The following TXN variants were observed in gnomAD, a reference collection of about 807,000 sequenced individuals.
TXN encodes thioredoxin, also known as ADF.
TXN carries 10 observed loss-of-function variants against 16.5 expected under a neutral mutation model. The ratio of observed to expected loss-of-function variants is 0.61; its 90% CI spans 0.37 to 1.03. TXN has a LOEUF of 1.03. Among genes scored for constraint, TXN ranks in the 50% least tolerant of loss-of-function variants. TXN has a pLI of 0.01. For synonymous variants in TXN, 35 were observed against 39.4 expected, an observed-to-expected ratio of 0.89 and a Z score of 0.42; for missense variants, 71 against 122.5, an observed-to-expected ratio of 0.58 and a Z score of 1.98.
intron 3 of TXN, among the ~76,000 whole-genome samples, chr9:110,247,549 C>T (rs142429170): frequency 2.0e-5 from 3 of 152,290 alleles, no homozygotes; most frequent in African/African-American, 7.2e-5. Context: ...CATAGCCCAT[C>T]GCATTAGCTG....
intron 1 of TXN, among the ~76,000 whole-genome samples, chr9:110,254,784 G>A (rs908455181): frequency 6.6e-6 from 1 of 152,120 alleles, no homozygotes; most frequent in South Asian, 2.1e-4. Flanking sequence ...CTGGATTTTG[G>A]GACAACTAAC....
At chr9:110,244,299 T>TG (rs1837618177) in intron 4 of TXN, 80 bp from the exon 5 acceptor site, 1 of 367,000 alleles carries the variant, frequency 2.7e-6, no homozygotes. Context: ...AAATATGTAT[T>TG]TATATATATA....
rs1342323217 is a variant in TXN, at chr9:110,245,664, T to A, written c.190-821A>T. ...TATATATATATATATATTTTTTTTTTTTTTTTTTTATAGGGACAAGGTCTC... is the reference window on the plus strand; with the variant it reads ...TATATATATATATATATTTTTTTTTATTTTTTTTTATAGGGACAAGGTCTC... On this transcript the variant is annotated intron_variant, in intron 3 of 4. Coordinates refer to ENST00000374517, the MANE Select transcript of TXN (RefSeq NM_003329.4). 6.5e-4 allele frequency among the ~76,000 whole-genome samples: 73 copies of A among 112,386 alleles called. 2 individuals are homozygous for A. In the East Asian group the frequency reaches 0.014, roughly 22 times the overall value. The allele number at this position is 112,386 out of a possible 152,430, so 73.7% of individuals were successfully genotyped here. A position where few individuals can be genotyped will look rare whatever the true frequency, so the allele number is the denominator to read the frequency against.
Position 110,244,089 on chromosome 9 carries a change from T to C in TXN, c.*68A>G, listed in dbSNP as rs2118558596. 1.0e-6 allele frequency: 1 copy of C among 955,960 alleles called. No homozygotes were observed. Among genetic ancestry groups the C allele is most frequent in the East Asian group, 3.4e-5 (1 of 29,558 alleles). The allele number at this position is 955,960 out of a possible 1,614,324, so 59.2% of individuals were successfully genotyped here. A position where few individuals can be genotyped will look rare whatever the true frequency, so the allele number is the denominator to read the frequency against. On this transcript the variant is annotated 3_prime_UTR_variant, in exon 5 of 5. Transcript: ENST00000374517. ...TGGGTTTATGTCTTCATATTTTATATTTTTGTAAATTAAAAAAATTACAAG... is the reference window on the plus strand; with the variant it reads ...TGGGTTTATGTCTTCATATTTTATACTTTTGTAAATTAAAAAAATTACAAG...
In TXN at chr9:110,244,055, G is replaced by T; in HGVS notation, c.*102C>A. On this transcript the variant is annotated 3_prime_UTR_variant, in exon 5 of 5. Transcript: ENST00000374517. The stretch of plus-strand genomic sequence containing the variant: ...AGCATTAATGTTTTATTGTCACGCA[G>T]ATGGCAACTGGGTTTATGTCTTCAT... 1 of 521,116 alleles carries T rather than the reference G, an allele frequency of 1.9e-6. No homozygotes were observed. Among genetic ancestry groups the T allele is most frequent in the Non-Finnish European group, 3.1e-6 (1 of 324,854 alleles). 32.3% of individuals were successfully genotyped at this position (521,116 alleles called of 1,614,324 possible).
At position 110,244,014 on chromosome 9, in the gene TXN, G is replaced by A. The variant is rs938879177; in HGVS notation, c.*143C>T. The A allele has an allele frequency of 1.9e-5, 7 of 364,694 alleles. No individual in the cohort carries two copies. The highest frequency in any genetic ancestry group is 9.2e-5 in the South Asian group (1 of 10,856). The allele number at this position is 364,694 out of a possible 1,614,324, so 22.6% of individuals were successfully genotyped here. A position where few individuals can be genotyped will look rare whatever the true frequency, so the allele number is the denominator to read the frequency against. On this transcript the variant is annotated 3_prime_UTR_variant, in exon 5 of 5. Coordinates refer to ENST00000374517, the MANE Select transcript of TXN (RefSeq NM_003329.4). The stretch of plus-strand genomic sequence containing the variant: ...TTTGAAAGCTATTCAGACATGAGAC[G>A]GTTTTAAAAAGTGTTAGCATTAATG...
At chr9:110,244,474 A>G (rs940022581) in intron 4 of TXN, among the ~76,000 whole-genome samples, 1 of 152,092 alleles carries the variant, frequency 6.6e-6, no homozygotes, top group Non-Finnish European at 1.5e-5. Context: ...TATCAAGAGA[A>G]AAGTCAAAAG....
intron 1 of TXN, among the ~76,000 whole-genome samples, chr9:110,253,895 A>G (rs1251188376): frequency 6.6e-6 from 1 of 152,182 alleles, no homozygotes; most frequent in South Asian, 2.1e-4. Context: ...ATCTGGGGGA[A>G]GCAGAACAGT....
intron 3 of TXN, among the ~76,000 whole-genome samples, chr9:110,245,679 G>T (rs1338623515): frequency 1.3e-5 from 1 of 77,794 alleles, no homozygotes; most frequent in Non-Finnish European, 2.5e-5. Context: ...TTTTTATAGG[G>T]ACAAGGTCTC....
intron 3 of TXN, chr9:110,245,125 G>T (rs191292834): frequency 9.0e-5 from 24 of 266,222 alleles, no homozygotes; most frequent in African/African-American, 4.8e-4. Context: ...AGATACTCCA[G>T]CGATCCAATA....
At chr9:110,255,890 CAT>C (rs1232184356) in intron 1 of TXN, among the ~76,000 whole-genome samples, 2 of 152,228 alleles carry the variant, frequency 1.3e-5, no homozygotes, top group Non-Finnish European at 2.9e-5. Context: ...GATCACTTCA[CAT>C]ACGGAAAGGC....
chr9:110,245,612 C>G (rs1358604328), intron 3 of TXN, among the ~76,000 whole-genome samples: 2 of 100,490 alleles, frequency 2.0e-5, no homozygotes, highest in Non-Finnish European at 3.8e-5. Context: ...TACACACACA[C>G]ACACACTATA....
chr9:110,250,019 G>A (rs1023566493), intron 3 of TXN, among the ~76,000 whole-genome samples: 4 of 115,248 alleles, frequency 3.5e-5, no homozygotes, highest in South Asian at 2.7e-4. Flanking sequence ...CGCTCTCCTA[G>A]GTCTGTGGTC....
chr9:110,249,125 C>CAAAAAAAAAAAAAAAAAAAAAA (rs71302631), intron 3 of TXN, among the ~76,000 whole-genome samples: 2 of 53,818 alleles, frequency 3.7e-5, no homozygotes, highest in African/African-American at 6.9e-5. Context: ...AACTCCATCT[C>CAAAAAAAAAAAAAAAAAAAAAA]AAAAAAAAAA....
intron 1 of TXN, among the ~76,000 whole-genome samples, chr9:110,253,863 G>A (rs1322329386): frequency 6.6e-6 from 1 of 152,024 alleles, no homozygotes; most frequent in African/African-American, 2.4e-5. Flanking sequence ...ATTAATAAAT[G>A]TCTCCATCAC....
chr9:110,248,558 C>A (rs536772667), intron 3 of TXN, among the ~76,000 whole-genome samples: 5 of 152,192 alleles, frequency 3.3e-5, no homozygotes, highest in African/African-American at 1.2e-4. Context: ...TATGTGTGCA[C>A]AACAAAATTG....
intron 1 of TXN, among the ~76,000 whole-genome samples, chr9:110,255,273 G>T (rs1413702120): frequency 2.6e-5 from 4 of 152,204 alleles, no homozygotes; most frequent in East Asian, 1.9e-4. Context: ...GTCTTCTACC[G>T]TTCGAGCAGT....
At chr9:110,244,681 G>A in intron 4 of TXN, 97 bp downstream of exon 4, 1 of 1,070,992 alleles carries the variant, frequency 9.3e-7, no homozygotes, top group Non-Finnish European at 1.4e-6. Context: ...TTGGTGATAT[G>A]CCTCAATCTT....
chr9:110,245,654 A>ATTTTTTTTT (rs1228829953), intron 3 of TXN, among the ~76,000 whole-genome samples: 6 of 21,782 alleles, frequency 2.8e-4, no homozygotes, highest in African/African-American at 5.9e-4. Context: ...ATATATATAT[A>ATTTTTTTTT]TTTTTTTTTT....
Sources: allele counts gnomAD v4.1 joint callset (sites outside exome capture counted in the v4.1 genomes callset), GRCh38; gene constraint gnomAD v4.1.1; transcripts MANE v1.5; gene names NCBI Gene and HGNC (gene_info 2026-07-23, HGNC 2026-07-21).